The following OR8B8 variants were observed in gnomAD, a reference collection of about 807,000 sequenced individuals.
OR8B8 encodes the protein olfactory receptor family 8 subfamily B member 8, also known as olfactory receptor 8B8.
Under a neutral mutation model 10.5 loss-of-function variants are expected in OR8B8, and 8 were observed. That is an observed-to-expected ratio of 0.76 (90% confidence interval 0.45 to 1.38). The LOEUF (loss-of-function observed/expected upper bound fraction) is 1.38. OR8B8 is among the 40% of genes most tolerant of loss of function. The probability of loss-of-function intolerance (pLI) is 0.00; values close to 1 mark genes in which losing one functional copy is unlikely to be tolerated. For synonymous variants in OR8B8, 150 were observed against 145.2 expected (o/e 1.03, Z -0.24); for missense variants, 390 against 380.5 (o/e 1.03, Z -0.21).
In OR8B8 at chr11:124,440,556, T is replaced by C. The variant is rs1565361792; in HGVS notation, c.530A>G (p.Tyr177Cys). The C allele has an allele frequency of 6.2e-7, 1 of 1,614,112 alleles. No individual in the cohort carries two copies. The highest frequency in any genetic ancestry group is 8.5e-7 in the Non-Finnish European group (1 of 1,180,030). Residue 177 changes from tyrosine (Y) to cysteine (C), a missense_variant, in exon 3 of 3, where the codon TAC (tyrosine) becomes TGC (cysteine). Physicochemically the swap from Tyr to Cys is radical, Grantham distance 194. Coordinates refer to ENST00000642064, the MANE Select transcript of OR8B8 (RefSeq NM_012378.2). ...TFCANNLVNH[Y>C]MCDILPLLEC... is the part of the protein sequence containing the mutation. ...AAGAAGGGGAAGGATGTCACACATG[T>C]AGTGGTTGACAAGGTTATTGGCACA...
At position 124,440,396 on chromosome 11, in the gene OR8B8, G is replaced by C; in HGVS notation, c.690C>G (p.Ser230=). The C allele has an allele frequency of 6.2e-7, 1 of 1,614,176 alleles. No homozygotes were observed. ...LILSSIFHID[S]TEGRSKAFST... is the part of the protein sequence containing the mutation. Reference sequence around the variant, plus strand: ...TGAAGGCTTTGGACCTGCCCTCCGTGGAATCAATGTGGAAGATGCTGGAGA... The same window carrying C: ...TGAAGGCTTTGGACCTGCCCTCCGTCGAATCAATGTGGAAGATGCTGGAGA... The change falls in exon 3 of 3, where the codon TCC becomes TCG. Residue 230 remains serine, a synonymous_variant. Transcript: ENST00000642064.
In OR8B8 at chr11:124,440,275, C is replaced by G; in HGVS notation, c.811G>C (p.Gly271Arg). 1 of 1,614,086 alleles carries G rather than the reference C, an allele frequency of 6.2e-7. No homozygotes were observed. The highest frequency in any genetic ancestry group is 8.5e-7 in the Non-Finnish European group (1 of 1,180,014). ...KPFSLLAMNQ[G>R]KVSSLFYTTV... Reference sequence around the variant, plus strand: ...GTATAGAATAGGGAAGACACCTTGCCCTGGTTCATAGCTAAAAGAGAAAAG... The same window carrying G: ...GTATAGAATAGGGAAGACACCTTGCGCTGGTTCATAGCTAAAAGAGAAAAG... The change falls in exon 3 of 3, where the codon GGC becomes CGC. Residue 271 changes from glycine (G) to arginine (R), a missense_variant. Coordinates refer to ENST00000642064, the MANE Select transcript of OR8B8 (RefSeq NM_012378.2).
chr11:124,443,358 C>T (rs2059844371), intron 1 of OR8B8, among the ~76,000 whole-genome samples: 2 of 152,112 alleles, frequency 1.3e-5, no homozygotes, highest in South Asian at 4.1e-4. Flanking sequence ...AATGTGAATC[C>T]ATGGAATATA....
intron 1 of OR8B8, among the ~76,000 whole-genome samples, chr11:124,443,632 G>A (rs1224000411): frequency 2.0e-5 from 3 of 152,178 alleles, no homozygotes; most frequent in African/African-American, 7.2e-5. Context: ...TCTTCTAGCT[G>A]TGTTGTTCTC....
At position 124,440,457 on chromosome 11, in the gene OR8B8, G is replaced by A. The variant is rs533890544; in HGVS notation, c.629C>T (p.Pro210Leu). Residue 210 changes from proline (P) to leucine (L), a missense_variant, in exon 3 of 3, where the codon CCC becomes CTC. By Grantham distance (98) the Pro-to-Leu change is moderately conservative (BLOSUM62 -3). Coordinates refer to ENST00000642064, the MANE Select transcript of OR8B8 (RefSeq NM_012378.2). ...FVVVGIDIGV[P>L]TVTIFISYAL... is the part of the protein sequence containing the mutation. ...ATAGGAAATGAAGATGGTGACTGTG[G>A]GCACACCAATATCAATGCCCACAAC... The A allele has an allele frequency of 6.2e-5, 100 of 1,614,064 alleles. No homozygotes were observed. In the South Asian group the frequency reaches 1.0e-3, roughly 16 times the overall value.
In OR8B8 at chr11:124,445,654, T is replaced by A. The variant is rs1176140858; in HGVS notation, c.-231A>T. On this transcript the variant is annotated 5_prime_UTR_variant, in exon 1 of 3. Coordinates refer to ENST00000642064, the MANE Select transcript of OR8B8 (RefSeq NM_012378.2). ...AACAAGATGCCTCAAGTGTAACTCTTATACCTAGAAATCTGCCACTCCCTC... is the reference window on the plus strand; with the variant it reads ...AACAAGATGCCTCAAGTGTAACTCTAATACCTAGAAATCTGCCACTCCCTC... 6.6e-6 allele frequency: 1 copy of A among 152,192 alleles called. No homozygotes were observed. The highest frequency in any genetic ancestry group is 2.4e-5 in the African/African-American group (1 of 41,456). 9.4% of individuals were successfully genotyped at this position (152,192 alleles called of 1,614,324 possible).
chr11:124,440,354 G>T lies in OR8B8; in HGVS notation c.732C>A (p.His244Gln), dbSNP rs1416550802. Residue 244 changes from histidine (H) to glutamine (Q), a missense_variant, in exon 3 of 3, where the codon CAC becomes CAA. His to Gln is a conservative substitution (Grantham distance 24). Transcript: ENST00000642064. ...RSKAFSTCSS[H>Q]IIAVSLFFGS... ...CAAAGAACAGAGAAACTGCAATTAT[G>T]TGGGAGCTGCAGGTGCTGAAGGCTT... The T allele has an allele frequency of 1.2e-6, 2 of 1,614,112 alleles. No homozygotes were observed. Among genetic ancestry groups the T allele is most frequent in the African/African-American group, 2.7e-5 (2 of 74,926 alleles).
chr11:124,444,616 T>C (rs1861508784), intron 1 of OR8B8, among the ~76,000 whole-genome samples: 1 of 152,214 alleles, frequency 6.6e-6, no homozygotes, highest in South Asian at 2.1e-4. Flanking sequence ...TAATCTCTAA[T>C]TCTCAATCTC....
intron 1 of OR8B8, among the ~76,000 whole-genome samples, chr11:124,442,626 G>A (rs1196605923): frequency 1.3e-5 from 2 of 149,928 alleles, no homozygotes; most frequent in African/African-American, 2.5e-5. Flanking sequence ...GTCCTCTATC[G>A]TTGTTCTTTC....
Position 124,440,429 on chromosome 11 carries a change from A to C in OR8B8, c.657T>G (p.Ala219=). The C allele has an allele frequency of 6.2e-7, 1 of 1,614,202 alleles. No homozygotes were observed. Among genetic ancestry groups the C allele is most frequent in the Non-Finnish European group, 8.5e-7 (1 of 1,180,042 alleles). Residue 219 remains alanine (A), a synonymous_variant, in exon 3 of 3, where the codon GCT becomes GCG. Coordinates refer to ENST00000642064, the MANE Select transcript of OR8B8 (RefSeq NM_012378.2). ...VPTVTIFISY[A]LILSSIFHID... ...TGTGGAAGATGCTGGAGAGAATGAGAGCATAGGAAATGAAGATGGTGACTG... is the reference window on the plus strand; with the variant it reads ...TGTGGAAGATGCTGGAGAGAATGAGCGCATAGGAAATGAAGATGGTGACTG...
rs767534579 is a variant in OR8B8, at chr11:124,441,055, G to C, written c.31C>G (p.Gln11Glu). MAAENSSFVT[Q>E]FILAGLTDQP... ...TCAGTTAAGCCTGCGAGGATAAACTGTGTCACGAAGGAGGAATTCTCAGCA... is the reference window on the plus strand; with the variant it reads ...TCAGTTAAGCCTGCGAGGATAAACTCTGTCACGAAGGAGGAATTCTCAGCA... The change falls in exon 3 of 3, where the codon CAG becomes GAG. Residue 11 changes from glutamine to glutamate, a missense_variant. By Grantham distance (29) the Gln-to-Glu change is conservative. Coordinates refer to ENST00000642064, the MANE Select transcript of OR8B8 (RefSeq NM_012378.2). The C allele has an allele frequency of 1.2e-6, 2 of 1,612,210 alleles. No individual in the cohort carries two copies. The highest frequency in any genetic ancestry group is 3.3e-5 in the Admixed American group (2 of 60,004).
At chr11:124,443,081 A>ATGTTTAGGCAGGT (rs1321007396) in intron 1 of OR8B8, among the ~76,000 whole-genome samples, 2 of 42,486 alleles carry the variant, frequency 4.7e-5, no homozygotes, top group African/African-American at 1.3e-4. Context: ...CAGGTTTGGG[A>ATGTTTAGGCAGGT]TTCAATGCCC....
In OR8B8 at chr11:124,438,597, A is replaced by G. The variant is rs1011035470; in HGVS notation, c.*1553T>C. 1 of 152,130 alleles carries G rather than the reference A, an allele frequency of 6.6e-6. No homozygotes were observed. The highest frequency in any genetic ancestry group is 2.4e-5 in the African/African-American group (1 of 41,416). 9.4% of individuals were successfully genotyped at this position (152,130 alleles called of 1,614,324 possible). On this transcript the variant is annotated 3_prime_UTR_variant, in exon 3 of 3. Coordinates refer to ENST00000642064, the MANE Select transcript of OR8B8 (RefSeq NM_012378.2). ...AGCCATATCATTTCTCCCACCCTTTATTGGAAGGTGCAGCAGTCAGGGTTT... is the reference window on the plus strand; with the variant it reads ...AGCCATATCATTTCTCCCACCCTTTGTTGGAAGGTGCAGCAGTCAGGGTTT...
At chr11:124,442,663 G>A (rs938983131) in intron 1 of OR8B8, among the ~76,000 whole-genome samples, 12 of 107,916 alleles carry the variant, frequency 1.1e-4, no homozygotes, top group South Asian at 3.0e-4. Context: ...TTTCCTCATC[G>A]TGAGCCTGAA....
rs570258209 is a variant in OR8B8 at position 124,438,119 on chromosome 11, G to A, written c.*2031C>T. 59 of 152,220 alleles carry A rather than the reference G, an allele frequency of 3.9e-4. No individual in the cohort carries two copies. The highest frequency in any genetic ancestry group is 1.3e-3 in the African/African-American group (56 of 41,556). The allele number at this position is 152,220 out of a possible 1,614,324, so 9.4% of individuals were successfully genotyped here. On this transcript the variant is annotated 3_prime_UTR_variant, in exon 3 of 3. Transcript: ENST00000642064. Reference sequence around the variant, plus strand: ...TACCTCTGAGAAAAACGTTTTTAAAGATGAAGAAATTGATGTTCAGAGACA... The same window carrying A: ...TACCTCTGAGAAAAACGTTTTTAAAAATGAAGAAATTGATGTTCAGAGACA...
chr11:124,443,927 A>C (rs144219512), intron 1 of OR8B8, among the ~76,000 whole-genome samples: 187 of 152,318 alleles, frequency 1.2e-3, no homozygotes, highest in Middle Eastern at 6.8e-3. Flanking sequence ...TGTAAGCGTG[A>C]AGGAATTAAC....
chr11:124,439,944 AGAAATAGC>A lies in OR8B8; in HGVS notation c.*198_*205del, dbSNP rs368494620. On this transcript the variant is annotated 3_prime_UTR_variant, in exon 3 of 3. Transcript: ENST00000642064. The stretch of plus-strand genomic sequence containing the variant: ...GGTACATAAGCTTGAGTCTATCCTC[AGAAATAGC>A]GGGGAACTGAGTGAAATGATCCTCA... 93 of 555,072 alleles carry A rather than the reference AGAAATAGC, an allele frequency of 1.7e-4. No homozygotes were observed. The highest frequency in any genetic ancestry group is 1.5e-3 in the African/African-American group (81 of 53,510). The allele number at this position is 555,072 out of a possible 1,614,324, so 34.4% of individuals were successfully genotyped here. A position where few individuals can be genotyped will look rare whatever the true frequency, so the allele number is the denominator to read the frequency against.
intron 1 of OR8B8, among the ~76,000 whole-genome samples, chr11:124,442,375 A>G (rs1352392906): frequency 6.6e-6 from 1 of 152,230 alleles, no homozygotes; most frequent in African/African-American, 2.4e-5. Context: ...ACACATAACT[A>G]AGCAAAAGCA....
At chr11:124,444,114 G>A (rs1861503997) in intron 1 of OR8B8, among the ~76,000 whole-genome samples, 1 of 151,982 alleles carries the variant, frequency 6.6e-6, no homozygotes, top group Non-Finnish European at 1.5e-5. Context: ...TCTTTTCCCT[G>A]GGATGACTTC....
Sources: gnomAD v4.1 joint callset for allele counts (sites outside exome capture counted in the v4.1 genomes callset) on GRCh38, gnomAD v4.1.1 for gene constraint, MANE v1.5 for transcripts, NCBI Gene and HGNC (gene_info 2026-07-23, HGNC 2026-07-21) for gene names.